SCN1A: variants seen among roughly 807,000 people sequenced by gnomAD.
SCN1A encodes sodium voltage-gated channel alpha subunit 1.
In SCN1A, 13 loss-of-function variants were observed where a neutral mutation model predicts 193.7. The ratio of observed to expected loss-of-function variants is 0.07; its 90% CI spans 0.04 to 0.11. The LOEUF is 0.11. Ranked by LOEUF, SCN1A falls within the 10% of genes least tolerant of loss-of-function variation. The pLI is 1.00. For synonymous variants in SCN1A, 781 were observed against 843.6 expected (o/e 0.93, Z 1.29); for missense variants, 1,432 against 2,451.1 (o/e 0.58, Z 8.78).
chr2:166,000,419 AATAGT>A (rs1244872972), intron 24 of SCN1A, among the ~76,000 whole-genome samples: 2 of 151,756 alleles, frequency 1.3e-5, no homozygotes, highest in African/African-American at 4.8e-5. Context: ...AAATGTGAAC[AATAGT>A]ACAGCAGACA....
intron 2 of SCN1A, among the ~76,000 whole-genome samples, chr2:166,102,500 CA>C (rs78767722): frequency 0.019 from 863 of 44,556 alleles, 6 homozygotes; most frequent in African/African-American, 0.064. Context: ...GATTACATCT[CA>C]AAAAAAAAAA....
chr2:166,019,934 A>G lies in SCN1A; in HGVS notation c.3430-4207T>C, dbSNP rs184178812. On this transcript the variant is annotated intron_variant, in intron 19 of 28. Coordinates refer to ENST00000674923, the MANE Select transcript of SCN1A (RefSeq NM_001165963.4). ...CTTCTTTTTTTTTTTTTTTTGAGACAGAGTCTCGCTCTGTCGTCCACGCTG... is the reference window on the plus strand; with the variant it reads ...CTTCTTTTTTTTTTTTTTTTGAGACGGAGTCTCGCTCTGTCGTCCACGCTG... Among the ~76,000 whole-genome samples, 886 of 145,078 alleles carry G rather than the reference A, an allele frequency of 6.1e-3. 13 individuals carry two copies. The highest frequency in any genetic ancestry group is 0.021 in the African/African-American group (842 of 39,274).
chr2:166,129,779 T>C (rs1170441998), upstream of SCN1A, among the ~76,000 whole-genome samples: 1 of 152,180 alleles, frequency 6.6e-6, no homozygotes, highest in African/African-American at 2.4e-5. Context: ...TTTTAATGAA[T>C]TCTAATTGCA....
At chr2:166,074,966 G>A (rs1036222538) in intron 3 of SCN1A, among the ~76,000 whole-genome samples, 3 of 152,034 alleles carry the variant, frequency 2.0e-5, no homozygotes, top group African/African-American at 4.8e-5. Context: ...AGTTTTCAGC[G>A]GTTCTTAGAA....
chr2:166,146,223 A>G (rs1692316286), intron 1 of SCN1A, among the ~76,000 whole-genome samples: 1 of 152,102 alleles, frequency 6.6e-6, no homozygotes, highest in Non-Finnish European at 1.5e-5. Context: ...GTATTGGTAG[A>G]TACCTGAGCA....
At chr2:166,025,479 T>G (rs900519474) in intron 19 of SCN1A, among the ~76,000 whole-genome samples, 4 of 152,166 alleles carry the variant, frequency 2.6e-5, no homozygotes, top group African/African-American at 4.8e-5. Flanking sequence ...GAAATCACTG[T>G]GCATTTAAAG....
chr2:166,091,709 T>C (rs1468147033), intron 2 of SCN1A, among the ~76,000 whole-genome samples: 1 of 152,184 alleles, frequency 6.6e-6, no homozygotes, highest in East Asian at 1.9e-4. Context: ...AACTTCAGCC[T>C]TGAAAAAGGC....
chr2:166,041,946 G>A lies in SCN1A; in HGVS notation c.2176+346C>T, dbSNP rs545200539. Among the ~76,000 whole-genome samples, 4 of 152,230 alleles carry A rather than the reference G, an allele frequency of 2.6e-5. No homozygotes were observed. In the East Asian group the frequency reaches 7.7e-4, roughly 29 times the overall value. ...CCTCTACAATCTTGAGAGTACTTAG[G>A]ATGAGGCTGAAAAGGGCTGTACTGC... On this transcript the variant is annotated intron_variant, in intron 15 of 28. Transcript: ENST00000674923.
In SCN1A at chr2:166,002,616, T is replaced by C; in HGVS notation, c.4140A>G (p.Thr1380=). 1.9e-6 allele frequency: 3 copies of C among 1,612,086 alleles called. No homozygotes were observed. The South Asian group carries it at 3.3e-5, about 18-fold the overall frequency. Residue 1380 remains threonine (T), a synonymous_variant, in exon 24 of 29, where the codon ACA becomes ACG. Coordinates refer to ENST00000674923, the MANE Select transcript of SCN1A (RefSeq NM_001165963.4). ...CTTCGATGTCAAACCTGTCACCAGT[T>C]GTGGTGTTAATACAGTGGTAGAATT... The part of the protein sequence containing the change: ...AGKFYHCINT[T]TGDRFDIEDV...
chr2:166,118,956 A>C (rs900570398), intron 2 of SCN1A, among the ~76,000 whole-genome samples: 7 of 152,206 alleles, frequency 4.6e-5, no homozygotes, highest in African/African-American at 1.7e-4. Flanking sequence ...TGTTCCACGG[A>C]CATTGTGGGG....
At chr2:166,020,776 A>G (rs1693955830) in intron 19 of SCN1A, among the ~76,000 whole-genome samples, 2 of 152,172 alleles carry the variant, frequency 1.3e-5, no homozygotes, top group African/African-American at 4.8e-5. Context: ...AAGATACTAA[A>G]TTCAGGTTGC....
At chr2:166,100,426 G>A (rs1687917306) in intron 2 of SCN1A, among the ~76,000 whole-genome samples, 1 of 150,882 alleles carries the variant, frequency 6.6e-6, no homozygotes, top group Non-Finnish European at 1.5e-5. Context: ...GAAAACCTAG[G>A]CATTACCATT....
At chr2:166,134,746 CT>C (rs1273552618) in intron 1 of SCN1A, among the ~76,000 whole-genome samples, 3 of 152,090 alleles carry the variant, frequency 2.0e-5, no homozygotes, top group Non-Finnish European at 4.4e-5. Context: ...CTTTTTTAGT[CT>C]AATAAACCAC....
chr2:166,036,611 A>T, intron 18 of SCN1A, 81 bp from the exon 19 acceptor site: 1 of 1,443,668 alleles, frequency 6.9e-7, no homozygotes, highest in South Asian at 1.3e-5. Flanking sequence ...CTTTCTTTTA[A>T]GTGTGGAAAA....
rs1480668529 is a variant in SCN1A, at chr2:165,991,357, G to GT, written c.5917dup (p.Thr1973AsnfsTer2). 6.2e-7 allele frequency: 1 copy of GT among 1,613,252 alleles called. No individual in the cohort carries two copies. Among genetic ancestry groups the GT allele is most frequent in the South Asian group, 1.1e-5 (1 of 90,986 alleles). ...AGCTGCAGTGGACATGGTCAGATCA[G>GT]TTTTTTCTGTAATAGAGTTTTCATT... On this transcript the variant is annotated frameshift_variant, in exon 29 of 29. Coordinates refer to ENST00000674923, the MANE Select transcript of SCN1A (RefSeq NM_001165963.4). LOFTEE classifies it high-confidence loss of function.
chr2:166,080,992 T>C (rs1247573817), intron 2 of SCN1A, among the ~76,000 whole-genome samples: 2 of 151,860 alleles, frequency 1.3e-5, no homozygotes, highest in Non-Finnish European at 2.9e-5. Context: ...TTACTTATCA[T>C]AAATGTTCTA....
chr2:166,009,502 A>C (rs2105567274), intron 23 of SCN1A: 1 of 331,908 alleles, frequency 3.0e-6, no homozygotes, highest in African/African-American at 2.1e-5. Context: ...AAGTCATTTA[A>C]ATAAGCACAG....
intron 2 of SCN1A, among the ~76,000 whole-genome samples, chr2:166,109,024 T>G (rs1200469122): frequency 6.6e-6 from 1 of 152,192 alleles, no homozygotes; most frequent in African/African-American, 2.4e-5. Context: ...TTTTTTATTC[T>G]TTTCTCTTCT....
intron 2 of SCN1A, among the ~76,000 whole-genome samples, chr2:166,104,874 T>C (rs572502622): frequency 1.4e-4 from 22 of 152,226 alleles, no homozygotes; most frequent in Non-Finnish European, 2.8e-4. Context: ...CAGTATGCTG[T>C]TGTAAGAAAG....
Sources: gnomAD v4.1 joint callset for allele counts (sites outside exome capture counted in the v4.1 genomes callset) on GRCh38, gnomAD v4.1.1 for gene constraint, MANE v1.5 for transcripts, NCBI Gene and HGNC (gene_info 2026-07-23, HGNC 2026-07-21) for gene names.